DLGAP5: variants seen among roughly 807,000 people sequenced by gnomAD.
The protein encoded by DLGAP5 is disks large-associated protein 5.
Under a neutral mutation model 99.6 loss-of-function variants are expected in DLGAP5, and 90 were observed. That is an observed-to-expected ratio of 0.90 (90% CI 0.76 to 1.08). The LOEUF (loss-of-function observed/expected upper bound fraction) is 1.08. Ranked by LOEUF, DLGAP5 falls within the 50% of genes least tolerant of loss-of-function variation. The pLI, the probability that DLGAP5 is intolerant of heterozygous loss-of-function variation, is 0.00. For missense variants in DLGAP5, 1,036 were observed against 983.5 expected (o/e 1.05, Z -0.71); for synonymous variants, 311 against 321.3 (o/e 0.97, Z 0.34).
chr14:55,154,691 T>C lies in DLGAP5; in HGVS notation c.1989A>G (p.Pro663=). ...EMGIPQQTTS[P]ENAGPQNTKS... ...TCGTATTCTGAGGACCGGCATTTTC[T>C]GGTGATGTAGTTTGTTGTGGAATGC... Residue 663 remains proline, a synonymous_variant, in exon 15 of 19, where the codon CCA becomes CCG. Coordinates refer to ENST00000247191, the MANE Select transcript of DLGAP5 (RefSeq NM_014750.5). 3 of 1,614,184 alleles carry C rather than the reference T, an allele frequency of 1.9e-6. No homozygotes were observed. The highest frequency in any genetic ancestry group is 1.7e-6 in the Non-Finnish European group (2 of 1,180,022).
chr14:55,170,816 A>G (rs769980565), intron 10 of DLGAP5, 29 bp from the exon 11 acceptor site: 13 of 1,580,610 alleles, frequency 8.2e-6, no homozygotes, highest in Admixed American at 1.7e-5. Flanking sequence ...TTTCAGTTCT[A>G]CAAGTGGTTT....
At chr14:55,162,770 C>T (rs1882493862) in intron 13 of DLGAP5, among the ~76,000 whole-genome samples, 1 of 152,008 alleles carries the variant, frequency 6.6e-6, no homozygotes, top group South Asian at 2.1e-4. Flanking sequence ...GATCGATTTC[C>T]TTGCTCTTTC....
Position 55,154,313 on chromosome 14 carries a change from A to G in DLGAP5, c.2063+304T>C, listed in dbSNP as rs560002904. On this transcript the variant is annotated intron_variant, in intron 15 of 18. Transcript: ENST00000247191. ...AAGTTGCATAGCTAGTAAGTCACAGAGCTCTTCTCAGCTCAGAACTGTTGA... is the reference window on the plus strand; with the variant it reads ...AAGTTGCATAGCTAGTAAGTCACAGGGCTCTTCTCAGCTCAGAACTGTTGA... 1.8e-4 allele frequency among the ~76,000 whole-genome samples: 28 copies of G among 152,292 alleles called. No individual in the cohort carries two copies. The South Asian group carries it at 4.6e-3, about 25-fold the overall frequency.
At chr14:55,190,768 G>A (rs994049601) in intron 1 of DLGAP5, among the ~76,000 whole-genome samples, 2 of 152,186 alleles carry the variant, frequency 1.3e-5, no homozygotes, top group African/African-American at 4.8e-5. Flanking sequence ...CCCAAGGAAA[G>A]TGACAATGGA....
intron 7 of DLGAP5, among the ~76,000 whole-genome samples, 165 bp from the exon 8 acceptor site, chr14:55,177,501 C>G (rs572849512): frequency 6.6e-6 from 1 of 151,162 alleles, no homozygotes; most frequent in East Asian, 1.9e-4. Context: ...ATCAGAAGAC[C>G]AGTTACGCTA....
At chr14:55,178,018 T>A (rs1883139285) in intron 7 of DLGAP5, among the ~76,000 whole-genome samples, 1 of 117,862 alleles carries the variant, frequency 8.5e-6, no homozygotes, top group Admixed American at 7.7e-5. Context: ...TTTGGGAGGC[T>A]GAGGCGGGCG....
chr14:55,175,786 AC>A, intron 9 of DLGAP5, 107 bp downstream of exon 9: 1 of 995,498 alleles, frequency 1.0e-6, no homozygotes, highest in Non-Finnish European at 1.4e-6. Context: ...AACAAATCTG[AC>A]AAGTAATAAT....
chr14:55,154,122 C>A (rs376970779), intron 15 of DLGAP5, among the ~76,000 whole-genome samples: 23 of 151,196 alleles, frequency 1.5e-4, no homozygotes, highest in South Asian at 6.3e-4. Context: ...CACATTAACT[C>A]CCCCCCCTTC....
At chr14:55,152,738 G>A in intron 15 of DLGAP5, 91 bp from the exon 16 acceptor site, 1 of 1,105,788 alleles carries the variant, frequency 9.0e-7, no homozygotes, top group Non-Finnish European at 1.2e-6. Flanking sequence ...ATGGCAATTA[G>A]TTTAGGGAAT....
Position 55,148,202 on chromosome 14 carries a change from A to G in DLGAP5, c.*149T>C, listed in dbSNP as rs1881886942. ...CCCCACTTCCCTTGAGAAAGAGTATATCTAAAATACACTTTGATGAACACA... is the reference window on the plus strand; with the variant it reads ...CCCCACTTCCCTTGAGAAAGAGTATGTCTAAAATACACTTTGATGAACACA... On this transcript the variant is annotated 3_prime_UTR_variant, in exon 19 of 19. Coordinates refer to ENST00000247191, the MANE Select transcript of DLGAP5 (RefSeq NM_014750.5). The G allele has an allele frequency of 1.5e-5, 12 of 789,790 alleles. No homozygotes were observed. Among genetic ancestry groups the G allele is most frequent in the Admixed American group, 3.1e-5 (1 of 31,934 alleles). The allele number at this position is 789,790 out of a possible 1,614,324, so 48.9% of individuals were successfully genotyped here.
At chr14:55,149,875 C>T (rs28460177) in intron 18 of DLGAP5, among the ~76,000 whole-genome samples, 2,292 of 151,378 alleles carry the variant, frequency 0.015, 73 homozygotes, top group African/African-American at 0.053. Context: ...CATGGTGAAA[C>T]CCCGCATCTC....
chr14:55,165,663 C>T (rs968409245), intron 12 of DLGAP5, among the ~76,000 whole-genome samples: 2 of 152,176 alleles, frequency 1.3e-5, no homozygotes, highest in African/African-American at 2.4e-5. Context: ...GCAGATAGTA[C>T]TGAACCCTAT....
In DLGAP5 at chr14:55,151,757, T is replaced by G. The variant is rs954964576; in HGVS notation, c.2306A>C (p.Glu769Ala). 6.2e-7 allele frequency: 1 copy of G among 1,613,890 alleles called. No individual in the cohort carries two copies. Among genetic ancestry groups the G allele is most frequent in the African/African-American group, 1.3e-5 (1 of 74,922 alleles). Residue 769 changes from glutamate to alanine, a missense_variant, in exon 17 of 19, where the codon GAA becomes GCA. Coordinates refer to ENST00000247191, the MANE Select transcript of DLGAP5 (RefSeq NM_014750.5). ...GCTATTTTGTGAAGCTGTATTTTTT[T>G]CAGGGCTACTCATCAAAACATCCTG... ...TSQDVLMSSP[E>A]KNTASQNSIL...
chr14:55,169,863 G>A lies in DLGAP5; in HGVS notation c.1388-304C>T, dbSNP rs577129560. The stretch of plus-strand genomic sequence containing the variant: ...TGTGGTGGCTCATGCCTGCGGGCGC[G>A]GTGGCTCATGCCTACAATCCCAGCA... On this transcript the variant is annotated intron_variant, in intron 11 of 18. Transcript: ENST00000247191. Among the ~76,000 whole-genome samples the A allele has an allele frequency of 1.3e-4, 18 of 135,250 alleles. No homozygotes were observed. In the South Asian group the frequency reaches 1.7e-3, roughly 13 times the overall value. 88.7% of individuals were successfully genotyped at this position (135,250 alleles called of 152,430 possible).
chr14:55,151,575 C>T, intron 17 of DLGAP5, 120 bp downstream of exon 17: 1 of 1,113,370 alleles, frequency 9.0e-7, no homozygotes, highest in Middle Eastern at 3.1e-4. Context: ...TCTTCACTAA[C>T]AATGAAGGAT....
intron 10 of DLGAP5, 50 bp downstream of exon 10, chr14:55,175,296 A>G (rs377602115): frequency 1.3e-5 from 20 of 1,554,306 alleles, no homozygotes; most frequent in Admixed American, 2.1e-5. Flanking sequence ...TTGGTTTTAA[A>G]TGTCTAGATA....
In DLGAP5 at chr14:55,154,680, C is replaced by T; in HGVS notation, c.2000G>A (p.Gly667Asp). 1.2e-6 allele frequency: 2 copies of T among 1,614,076 alleles called. No homozygotes were observed. Among genetic ancestry groups the T allele is most frequent in the Non-Finnish European group, 1.7e-6 (2 of 1,179,994 alleles). Residue 667 changes from glycine to aspartate, a missense_variant, in exon 15 of 19, where the codon GGT becomes GAT. Transcript: ENST00000247191. ...PQQTTSPENA[G>D]PQNTKSEHVK... is the part of the protein sequence containing the mutation. ...ATGTTCACTTTTCGTATTCTGAGGA[C>T]CGGCATTTTCTGGTGATGTAGTTTG...
intron 13 of DLGAP5, among the ~76,000 whole-genome samples, chr14:55,161,392 T>C (rs899122810): frequency 6.9e-6 from 1 of 145,392 alleles, no homozygotes; most frequent in Non-Finnish European, 1.5e-5. Flanking sequence ...CATGAGACTT[T>C]ATTAGTAAAA....
chr14:55,187,188 ACCGCATCTGGC>A (rs1883460765), intron 2 of DLGAP5, among the ~76,000 whole-genome samples: 1 of 152,072 alleles, frequency 6.6e-6, no homozygotes, highest in Non-Finnish European at 1.5e-5. Context: ...GGTATGAGCC[ACCGCATCTGGC>A]CCCTTGTCTT....
Sources: allele counts gnomAD v4.1 joint callset (sites outside exome capture counted in the v4.1 genomes callset), GRCh38; gene constraint gnomAD v4.1.1; transcripts MANE v1.5; gene names NCBI Gene and HGNC (gene_info 2026-07-23, HGNC 2026-07-21).